The following WWOX variants were observed in gnomAD, a reference collection of about 807,000 sequenced individuals.
WWOX encodes WW domain containing oxidoreductase.
A neutral mutation model predicts 46.2 loss-of-function variants in WWOX; 69 were observed. The ratio of observed to expected loss-of-function variants is 1.49; its 90% CI spans 1.23 to 1.82. WWOX has a LOEUF of 1.82. Ranked by LOEUF, WWOX falls within the 40% of genes most tolerant of loss-of-function variation. The pLI is 0.00. For synonymous variants in WWOX, 359 were observed against 202.6 expected (o/e 1.77, Z -6.56); for missense variants, 919 against 542.6 (o/e 1.69, Z -6.89).
chr16:78,877,964 C>G (rs562516103), intron 8 of WWOX, among the ~76,000 whole-genome samples: 17 of 152,322 alleles, frequency 1.1e-4, no homozygotes, highest in African/African-American at 3.8e-4. Flanking sequence ...CAAATCCCCT[C>G]TTGTGCCTTT....
Position 78,286,526 on chromosome 16 carries a change from T to C in WWOX, c.517-100334T>C, listed in dbSNP as rs187328647. On this transcript the variant is annotated intron_variant, in intron 5 of 8. Transcript: ENST00000566780. The stretch of plus-strand genomic sequence containing the variant: ...ATCTCTTGTGGATACAGAAAAATAA[T>C]ACATGATGTCTTCGTTTGTAATTAA... Among the ~76,000 whole-genome samples, 403 of 152,330 alleles carry C rather than the reference T, an allele frequency of 2.6e-3. 3 individuals are homozygous for C. The highest frequency in any genetic ancestry group is 9.3e-3 in the African/African-American group (387 of 41,566).
intron 8 of WWOX, among the ~76,000 whole-genome samples, chr16:78,518,080 G>T (rs558909226): frequency 6.6e-6 from 1 of 152,060 alleles, no homozygotes; most frequent in South Asian, 2.1e-4. Context: ...TTCCCCATCT[G>T]TTGGATCAGA....
At chr16:79,139,234 C>T (rs1279627942) in intron 8 of WWOX, among the ~76,000 whole-genome samples, 2 of 152,226 alleles carry the variant, frequency 1.3e-5, no homozygotes, top group Non-Finnish European at 2.9e-5. Flanking sequence ...TTACACAATG[C>T]AGAGAGAAGG....
At chr16:78,619,475 T>C (rs954947364) in intron 8 of WWOX, among the ~76,000 whole-genome samples, 1 of 151,110 alleles carries the variant, frequency 6.6e-6, no homozygotes, top group African/African-American at 2.4e-5. Context: ...CCACATGTTA[T>C]ACACAGAATA....
Position 78,099,795 on chromosome 16 carries a change from A to T in WWOX, c.17A>T (p.Tyr6Phe). The T allele has an allele frequency of 6.4e-7, 1 of 1,564,700 alleles. No individual in the cohort carries two copies. Among genetic ancestry groups the T allele is most frequent in the Non-Finnish European group, 8.6e-7 (1 of 1,156,914 alleles). Residue 6 changes from tyrosine to phenylalanine, a missense_variant, in exon 1 of 9, where the codon TAC (tyrosine) becomes TTC (phenylalanine). Tyr to Phe is a conservative substitution (Grantham distance 22). Coordinates refer to ENST00000566780, the MANE Select transcript of WWOX (RefSeq NM_016373.4). Reference sequence around the variant, plus strand: ...CAGTCAGCCATGGCAGCGCTGCGCTACGCGGGGCTGGACGACACGGACAGT... The same window carrying T: ...CAGTCAGCCATGGCAGCGCTGCGCTTCGCGGGGCTGGACGACACGGACAGT... MAALR[Y>F]AGLDDTDSED...
chr16:78,604,789 CCCCCCTCCCT>C (rs1386081974), intron 8 of WWOX, among the ~76,000 whole-genome samples: 4 of 1,988 alleles, frequency 2.0e-3, no homozygotes, highest in Non-Finnish European at 3.7e-3. Context: ...CTCCCTCCTT[CCCCCCTCCCT>C]CCTTCCTCCC....
intron 8 of WWOX, among the ~76,000 whole-genome samples, chr16:78,752,074 T>C (rs894799074): frequency 6.6e-6 from 1 of 152,180 alleles, no homozygotes; most frequent in Non-Finnish European, 1.5e-5. Flanking sequence ...AATTCTAACA[T>C]TGGTAAAACT....
chr16:78,588,364 T>G (rs934199595), intron 8 of WWOX, among the ~76,000 whole-genome samples: 1 of 152,270 alleles, frequency 6.6e-6, no homozygotes, highest in East Asian at 1.9e-4. Context: ...CTGCCTTTGG[T>G]GAAATATTGA....
chr16:79,130,011 A>G (rs1459346274), intron 8 of WWOX, among the ~76,000 whole-genome samples: 1 of 152,266 alleles, frequency 6.6e-6, no homozygotes, highest in Non-Finnish European at 1.5e-5. Flanking sequence ...TAATATTTAC[A>G]GAGAGCTTAC....
intron 5 of WWOX, among the ~76,000 whole-genome samples, chr16:78,221,769 G>A (rs934850551): frequency 3.6e-4 from 55 of 152,078 alleles, no homozygotes; most frequent in African/African-American, 1.2e-3. Context: ...GTGTAATCCC[G>A]TATTTGGAAG....
chr16:78,253,883 T>C (rs1438513744), intron 5 of WWOX, among the ~76,000 whole-genome samples: 1 of 152,074 alleles, frequency 6.6e-6, no homozygotes, highest in African/African-American at 2.4e-5. Flanking sequence ...CGGCATACAC[T>C]TCCCACCTCC....
intron 8 of WWOX, among the ~76,000 whole-genome samples, chr16:78,668,084 G>C (rs1345926518): frequency 6.6e-6 from 1 of 152,138 alleles, no homozygotes; most frequent in Non-Finnish European, 1.5e-5. Context: ...TTCAAGACCA[G>C]CCTGGCCACC....
chr16:78,779,345 C>A (rs1286531055), intron 8 of WWOX, among the ~76,000 whole-genome samples: 1 of 152,100 alleles, frequency 6.6e-6, no homozygotes, highest in Non-Finnish European at 1.5e-5. Context: ...GGCAGTTTTG[C>A]TGTGTTGCCC....
At chr16:78,982,726 G>T (rs191837956) in intron 8 of WWOX, among the ~76,000 whole-genome samples, 1 of 152,298 alleles carries the variant, frequency 6.6e-6, no homozygotes, top group East Asian at 1.9e-4. Flanking sequence ...GAGAAAATGT[G>T]CATTTGAATC....
At chr16:78,643,145 A>T (rs1190185495) in intron 8 of WWOX, among the ~76,000 whole-genome samples, 2 of 152,188 alleles carry the variant, frequency 1.3e-5, no homozygotes, top group Non-Finnish European at 1.5e-5. Context: ...ATCCAGACCC[A>T]AGAGGATCCG....
intron 4 of WWOX, among the ~76,000 whole-genome samples, chr16:78,134,779 G>A (rs191124949): frequency 2.0e-3 from 309 of 152,258 alleles, no homozygotes; most frequent in African/African-American, 7.1e-3. Context: ...AGAGTATAAC[G>A]TTGGTTTTAG....
At chr16:78,956,099 C>T (rs1366800974) in intron 8 of WWOX, among the ~76,000 whole-genome samples, 2 of 152,070 alleles carry the variant, frequency 1.3e-5, no homozygotes, top group Non-Finnish European at 2.9e-5. Flanking sequence ...AGAGCCCTGG[C>T]TCACTATCTA....
intron 8 of WWOX, among the ~76,000 whole-genome samples, chr16:78,458,451 A>G (rs1567585306): frequency 6.6e-6 from 1 of 151,802 alleles, no homozygotes; most frequent in African/African-American, 2.4e-5. Flanking sequence ...TATAGAGACA[A>G]GGTTTCCCTA....
At chr16:78,554,213 C>A (rs1043668628) in intron 8 of WWOX, among the ~76,000 whole-genome samples, 6 of 152,014 alleles carry the variant, frequency 3.9e-5, no homozygotes, top group African/African-American at 1.5e-4. Context: ...ACTTGGTGGC[C>A]AGATGCATGT....
Sources: allele counts gnomAD v4.1 joint callset (sites outside exome capture counted in the v4.1 genomes callset), GRCh38; gene constraint gnomAD v4.1.1; transcripts MANE v1.5; gene names NCBI Gene and HGNC (gene_info 2026-07-23, HGNC 2026-07-21).